SEPTIN9: variants seen among roughly 807,000 people sequenced by gnomAD.
SEPTIN9 encodes the protein septin 9, also known as septin-9.
Under a neutral mutation model 56.6 loss-of-function variants are expected in SEPTIN9, and 13 were observed. That is an observed-to-expected ratio of 0.23 (90% CI 0.15 to 0.37). The LOEUF (loss-of-function observed/expected upper bound fraction) is 0.37, where lower values mean the gene tolerates loss of function less well. Among genes scored for constraint, SEPTIN9 ranks in the 10% least tolerant of loss-of-function variants. SEPTIN9 has a pLI of 1.00. For synonymous variants in SEPTIN9, 332 were observed against 334.1 expected (o/e 0.99, Z 0.07); for missense variants, 650 against 823.1 (o/e 0.79, Z 2.57).
intron 3 of SEPTIN9, among the ~76,000 whole-genome samples, chr17:77,442,525 A>AG (rs1278375113): frequency 3.5e-4 from 53 of 151,612 alleles, no homozygotes; most frequent in Middle Eastern, 3.4e-3. Flanking sequence ...AAAAAAAAAA[A>AG]AAAGAACTTA....
chr17:77,367,841 AAATAAT>A lies in SEPTIN9; in HGVS notation c.77-34209_77-34204del, dbSNP rs1452862427. Among the ~76,000 whole-genome samples the A allele has an allele frequency of 2.6e-5, 4 of 151,990 alleles. No individual in the cohort carries two copies. In the South Asian group the frequency reaches 8.3e-4, roughly 32 times the overall value. On this transcript the variant is annotated intron_variant, in intron 2 of 11. Transcript: ENST00000427177. This position sits in a 1 kb window ranked among gnomAD's most constrained non-coding sequence, Gnocchi z 4.5. ...ATAATAATAATGCTAATAATAAATA[AAATAAT>A]AATAATAAAATAATAAAAGCAAGGA... is the stretch of plus-strand genomic sequence containing the variant.
chr17:77,342,070 G>T (rs1308142278), intron 2 of SEPTIN9, among the ~76,000 whole-genome samples: 1 of 98,896 alleles, frequency 1.0e-5, no homozygotes, highest in Admixed American at 1.1e-4. Flanking sequence ...GCAAGACTCT[G>T]TCTCAAAAAA....
At chr17:77,361,076 AC>A (rs2034402709) in intron 2 of SEPTIN9, among the ~76,000 whole-genome samples, 1 of 151,812 alleles carries the variant, frequency 6.6e-6, no homozygotes, top group East Asian at 1.9e-4. Context: ...GGTGCCCACC[AC>A]CACGTCCAGC....
intron 1 of SEPTIN9, among the ~76,000 whole-genome samples, chr17:77,295,143 G>A (rs540700253): frequency 1.2e-4 from 18 of 152,282 alleles, no homozygotes; most frequent in African/African-American, 2.6e-4. Context: ...GAACGGGGAC[G>A]TTAATTGATT....
At chr17:77,322,433 A>C (rs1266917990) in intron 2 of SEPTIN9, among the ~76,000 whole-genome samples, 1 of 152,222 alleles carries the variant, frequency 6.6e-6, no homozygotes, top group East Asian at 1.9e-4. Context: ...GTTTTCATGT[A>C]AGAAAACGTA....
chr17:77,312,164 C>T (rs2032522212), intron 2 of SEPTIN9, among the ~76,000 whole-genome samples: 1 of 152,166 alleles, frequency 6.6e-6, no homozygotes, highest in Admixed American at 6.5e-5. Context: ...CTCCCCACCC[C>T]TGCCCTGCTG....
chr17:77,402,121 G>A lies in SEPTIN9; in HGVS notation c.139G>A (p.Val47Ile). The A allele has an allele frequency of 7.4e-6, 12 of 1,613,842 alleles. No homozygotes were observed. Among genetic ancestry groups the A allele is most frequent in the Non-Finnish European group, 1.0e-5 (12 of 1,179,850 alleles). The change falls in exon 3 of 12, where the codon GTC becomes ATC. Residue 47 changes from valine to isoleucine, a missense_variant. By Grantham distance (29) the Val-to-Ile change is conservative (BLOSUM62 3). Coordinates refer to ENST00000427177, the MANE Select transcript of SEPTIN9 (RefSeq NM_001113491.2). The surrounding 1 kb of genome is among the most constrained non-coding windows in gnomAD (Gnocchi z 6.6). Reference protein sequence around the residue: ...ETPNSTPPRRVQTPLLRATVA... With the variant: ...ETPNSTPPRRIQTPLLRATVA... The stretch of plus-strand genomic sequence containing the variant: ...ACCCAACTCCACCCCACCCCGGAGG[G>A]TCCAGACTCCCCTACTCCGAGCCAC...
At chr17:77,479,150 G>A (rs981854457) in intron 3 of SEPTIN9, among the ~76,000 whole-genome samples, 59 of 152,224 alleles carry the variant, frequency 3.9e-4, no homozygotes, top group African/African-American at 1.3e-3. Flanking sequence ...AATAGTGACC[G>A]TGGCAAACGT....
chr17:77,428,308 A>G (rs1428372182), intron 3 of SEPTIN9, among the ~76,000 whole-genome samples: 2 of 152,308 alleles, frequency 1.3e-5, no homozygotes, highest in African/African-American at 2.4e-5. Context: ...TGCAGGTTCA[A>G]CCATTGGCAA....
rs1258010899 is a variant in SEPTIN9 at position 77,437,863 on chromosome 17, T to C, written c.721+35160T>C. On this transcript the variant is annotated intron_variant, in intron 3 of 11. Coordinates refer to ENST00000427177, the MANE Select transcript of SEPTIN9 (RefSeq NM_001113491.2). The surrounding 1 kb of genome is among the most constrained non-coding windows in gnomAD (Gnocchi z 5.3). ...TCAGGTGCCTCCCGAAGCTTCTCCC[T>C]GGCCCCAGGCCAGAGGTGACAGTGG... Among the ~76,000 whole-genome samples, 3 of 152,226 alleles carry C rather than the reference T, an allele frequency of 2.0e-5. No homozygotes were observed. Among genetic ancestry groups the C allele is most frequent in the Non-Finnish European group, 2.9e-5 (2 of 68,018 alleles).
intron 2 of SEPTIN9, among the ~76,000 whole-genome samples, chr17:77,352,070 T>C (rs1274464795): frequency 3.9e-5 from 6 of 152,148 alleles, no homozygotes; most frequent in Non-Finnish European, 8.8e-5. Flanking sequence ...CCTGCGGCTG[T>C]CATAACAAAG....
intron 2 of SEPTIN9, among the ~76,000 whole-genome samples, chr17:77,397,795 G>A (rs1413860806): frequency 3.3e-5 from 5 of 151,508 alleles, no homozygotes; most frequent in East Asian, 1.9e-4. Context: ...GATTACAGGC[G>A]CCCACCCCCA....
At chr17:77,332,568 C>T (rs1486499733) in intron 2 of SEPTIN9, among the ~76,000 whole-genome samples, 2 of 152,156 alleles carry the variant, frequency 1.3e-5, no homozygotes, top group East Asian at 3.8e-4. Context: ...CTGAGATGCA[C>T]AGGTGTGAAA....
chr17:77,292,444 G>C (rs919047440), intron 1 of SEPTIN9, among the ~76,000 whole-genome samples: 2 of 151,998 alleles, frequency 1.3e-5, no homozygotes, highest in Non-Finnish European at 2.9e-5. Context: ...CCGCATCCTG[G>C]GGTATCGTCC....
chr17:77,355,810 G>A (rs1025181562), intron 2 of SEPTIN9, among the ~76,000 whole-genome samples: 4 of 151,296 alleles, frequency 2.6e-5, no homozygotes, highest in African/African-American at 4.9e-5. Flanking sequence ...GTGAAACCCC[G>A]TCTCTACTAA....
chr17:77,492,463 G>A lies in SEPTIN9; in HGVS notation c.1381-158G>A, dbSNP rs80304557. ...CAGCTGCCCCTCTTCCCTCCAGGAG[G>A]CACAGGAGTTGGAGGTGATTGGTGT... On this transcript the variant is annotated intron_variant, in intron 8 of 11. Transcript: ENST00000427177. This position sits in a 1 kb window ranked among gnomAD's most constrained non-coding sequence, Gnocchi z 5.4. Among the ~76,000 whole-genome samples, 3,874 of 152,182 alleles carry A rather than the reference G, an allele frequency of 0.025. 150 individuals carry two copies. The highest frequency in any genetic ancestry group is 0.086 in the African/African-American group (3,565 of 41,500).
rs745555900 is a variant in SEPTIN9, at chr17:77,307,158, A to G, written c.37A>G (p.Ser13Gly). The change falls in exon 2 of 12, where the codon AGT (serine) becomes GGT (glycine). Residue 13 changes from serine (S) to glycine (G), a missense_variant. Ser to Gly is a moderately conservative substitution (Grantham distance 56). Around this residue, in one of 2 missense-constraint regions of SEPTIN9, gnomAD observed 317 missense variants for 329.1 expected, o/e 0.96. Transcript: ENST00000427177. ...GTCTTTAGGAGGCACGCGGACCTCC[A>G]GTGGCCGGCTCCGGAGGCTTGGTGA... Reference protein sequence around the residue: ...KSYSGGTRTSSGRLRRLGDSS... With the variant: ...KSYSGGTRTSGGRLRRLGDSS... 18 of 1,613,948 alleles carry G rather than the reference A, an allele frequency of 1.1e-5. No individual in the cohort carries two copies. In the South Asian group the frequency reaches 1.4e-4, roughly 13 times the overall value.
In SEPTIN9 at chr17:77,329,245, G is replaced by T. The variant is rs2033258279; in HGVS notation, c.76+22048G>T. Among the ~76,000 whole-genome samples the T allele has an allele frequency of 6.6e-6, 1 of 152,238 alleles. No homozygotes were observed. The highest frequency in any genetic ancestry group is 1.5e-5 in the Non-Finnish European group (1 of 68,032). The stretch of plus-strand genomic sequence containing the variant: ...GAGGCTGCTGCAGGCCCTGCAGCTG[G>T]AGAGGGAGGATCAGGATCTCTTTAG... On this transcript the variant is annotated intron_variant, in intron 2 of 11. Coordinates refer to ENST00000427177, the MANE Select transcript of SEPTIN9 (RefSeq NM_001113491.2). This position sits in a 1 kb window ranked among gnomAD's most constrained non-coding sequence, Gnocchi z 4.3.
intron 3 of SEPTIN9, among the ~76,000 whole-genome samples, chr17:77,461,374 G>C (rs2038465870): frequency 6.6e-6 from 1 of 152,142 alleles, no homozygotes. Context: ...TGGCTGGTGT[G>C]AGGAGAGGGT....
Sources: allele counts gnomAD v4.1 joint callset (sites outside exome capture counted in the v4.1 genomes callset), GRCh38; gene constraint gnomAD v4.1.1; regional missense constraint gnomAD v4.1.1; non-coding constraint Gnocchi (gnomAD v3.1); transcripts MANE v1.5; gene names NCBI Gene and HGNC (gene_info 2026-07-23, HGNC 2026-07-21).